The following SH3RF1 variants were observed in gnomAD, a reference collection of about 807,000 sequenced individuals.
The protein encoded by SH3RF1 is SH3 domain containing ring finger 1.
Under a neutral mutation model 74.0 loss-of-function variants are expected in SH3RF1, and 32 were observed. The observed-to-expected ratio is 0.43, with a 90% CI of 0.33 to 0.58. SH3RF1 has a LOEUF of 0.58. Ranked by LOEUF, SH3RF1 falls within the 20% of genes least tolerant of loss-of-function variation. The probability of loss-of-function intolerance (pLI) is 0.05; values close to 1 mark genes in which losing one functional copy is unlikely to be tolerated. For missense variants in SH3RF1, 954 were observed against 1,130.9 expected (o/e 0.84, Z 2.24); for synonymous variants, 396 against 439.6 (o/e 0.90, Z 1.24).
rs1731441801 is a variant in SH3RF1, at chr4:169,270,941, C to A, written c.-178G>T. Reference sequence around the variant, plus strand: ...GCAGATGCGGCCCCACCGCGCTCGCCGCTCGCAGTGTCTCTGACGCCGCGG... The same window carrying A: ...GCAGATGCGGCCCCACCGCGCTCGCAGCTCGCAGTGTCTCTGACGCCGCGG... On this transcript the variant is annotated 5_prime_UTR_variant, in exon 1 of 12. Coordinates refer to ENST00000284637, the MANE Select transcript of SH3RF1 (RefSeq NM_020870.4). 6.6e-6 allele frequency: 1 copy of A among 152,262 alleles called. No homozygotes were observed. The allele number at this position is 152,262 out of a possible 1,614,324, so 9.4% of individuals were successfully genotyped here. A position where few individuals can be genotyped will look rare whatever the true frequency, so the allele number is the denominator to read the frequency against.
At chr4:169,149,943 GTACCTACACTTC>G (rs1733949216) in intron 4 of SH3RF1, among the ~76,000 whole-genome samples, 1 of 152,070 alleles carries the variant, frequency 6.6e-6, no homozygotes, top group African/African-American at 2.4e-5. Context: ...TTCAAACTAT[GTACCTACACTTC>G]TACTTCTTAT....
intron 4 of SH3RF1, among the ~76,000 whole-genome samples, chr4:169,154,667 T>C (rs890087154): frequency 6.6e-6 from 1 of 152,212 alleles, no homozygotes; most frequent in African/African-American, 2.4e-5. Flanking sequence ...CACACAGATA[T>C]CTACTAAGAC....
chr4:169,205,043 T>C (rs1194213074), intron 2 of SH3RF1, among the ~76,000 whole-genome samples: 1 of 152,244 alleles, frequency 6.6e-6, no homozygotes, highest in African/African-American at 2.4e-5. Context: ...AAGGGAAATT[T>C]ACTAGCAACA....
At chr4:169,165,772 T>C (rs568186347) in intron 2 of SH3RF1, among the ~76,000 whole-genome samples, 8 of 152,304 alleles carry the variant, frequency 5.3e-5, no homozygotes, top group Admixed American at 1.3e-4. Flanking sequence ...AGATAGTTCA[T>C]AGTTTCAGAA....
intron 2 of SH3RF1, among the ~76,000 whole-genome samples, chr4:169,218,215 TATA>T (rs1182012411): frequency 6.2e-5 from 9 of 144,640 alleles, no homozygotes; most frequent in African/African-American, 1.3e-4. Context: ...TAATATATAA[TATA>T]ATATAAACAT....
intron 2 of SH3RF1, among the ~76,000 whole-genome samples, chr4:169,234,373 C>A (rs1286102215): frequency 1.3e-5 from 2 of 151,866 alleles, no homozygotes; most frequent in Non-Finnish European, 2.9e-5. Context: ...GGTTGGGAAA[C>A]CCTGATTTAG....
At chr4:169,219,857 T>C (rs1436742516) in intron 2 of SH3RF1, 1 of 152,232 alleles carries the variant, frequency 6.6e-6, no homozygotes, top group East Asian at 1.9e-4. Flanking sequence ...GCAATCGTTA[T>C]TCACTTAAAT....
chr4:169,158,206 T>A (rs576486365), intron 2 of SH3RF1, among the ~76,000 whole-genome samples: 1 of 152,114 alleles, frequency 6.6e-6, no homozygotes, highest in African/African-American at 2.4e-5. Flanking sequence ...GTCTCTCGTG[T>A]TTGGTGAGTA....
At chr4:169,260,384 C>T (rs558982437) in intron 2 of SH3RF1, among the ~76,000 whole-genome samples, 3 of 152,306 alleles carry the variant, frequency 2.0e-5, no homozygotes, top group African/African-American at 7.2e-5. Context: ...CTCCCCACTG[C>T]GCCTCTTTTA....
At chr4:169,207,016 T>C (rs1258042322) in intron 2 of SH3RF1, among the ~76,000 whole-genome samples, 2 of 151,920 alleles carry the variant, frequency 1.3e-5, no homozygotes, top group Non-Finnish European at 2.9e-5. Context: ...TGGAGTGCAA[T>C]AGCATGATTG....
chr4:169,148,652 T>G (rs1733929818), intron 4 of SH3RF1, among the ~76,000 whole-genome samples: 1 of 152,168 alleles, frequency 6.6e-6, no homozygotes, highest in Non-Finnish European at 1.5e-5. Context: ...ATTATACACT[T>G]AGCATGTTCC....
intron 2 of SH3RF1, chr4:169,167,194 A>G (rs544310801): frequency 6.5e-6 from 1 of 153,736 alleles, no homozygotes; most frequent in South Asian, 2.0e-4. Flanking sequence ...ACACATCTTG[A>G]AAAGAAGATG....
chr4:169,257,776 CT>C, intron 2 of SH3RF1, among the ~76,000 whole-genome samples: 1 of 152,324 alleles, frequency 6.6e-6, no homozygotes, highest in South Asian at 2.1e-4. Context: ...GTGGATAATT[CT>C]AGCAGATGAG....
At chr4:169,168,751 G>A (rs2126971816) in intron 2 of SH3RF1, among the ~76,000 whole-genome samples, 1 of 152,352 alleles carries the variant, frequency 6.6e-6, no homozygotes, top group East Asian at 1.9e-4. Context: ...CAAAGGGACA[G>A]ACTATGACTG....
At chr4:169,229,635 T>C (rs970303232) in intron 2 of SH3RF1, among the ~76,000 whole-genome samples, 6 of 152,104 alleles carry the variant, frequency 3.9e-5, no homozygotes, top group Admixed American at 3.3e-4. Context: ...ATAAATAACC[T>C]GGGCTGAGGC....
intron 2 of SH3RF1, among the ~76,000 whole-genome samples, chr4:169,263,183 G>A (rs559879098): frequency 8.5e-5 from 13 of 152,064 alleles, no homozygotes; most frequent in Non-Finnish European, 1.3e-4. Flanking sequence ...AACCTTACAC[G>A]CCAGGGGAGC....
chr4:169,133,074 T>G lies in SH3RF1; in HGVS notation c.1069-2918A>C, dbSNP rs76321629. ...CTTCCAGCTGCCAGCAATTTGGACG[T>G]GACAGTGACATCTCTAATTGCCATA... On this transcript the variant is annotated intron_variant, in intron 5 of 11. Coordinates refer to ENST00000284637, the MANE Select transcript of SH3RF1 (RefSeq NM_020870.4). Among the ~76,000 whole-genome samples the G allele has an allele frequency of 3.9e-3, 592 of 152,288 alleles. 4 individuals carry two copies. The highest frequency in any genetic ancestry group is 0.014 in the African/African-American group (572 of 41,532).
At chr4:169,240,646 ATT>A (rs1281079721) in intron 2 of SH3RF1, among the ~76,000 whole-genome samples, 3 of 152,226 alleles carry the variant, frequency 2.0e-5, no homozygotes, top group African/African-American at 7.2e-5. Flanking sequence ...ATATGTATAC[ATT>A]GTGAAATTAT....
intron 2 of SH3RF1, among the ~76,000 whole-genome samples, chr4:169,183,735 G>A (rs1734553476): frequency 7.0e-6 from 1 of 142,460 alleles, no homozygotes; most frequent in African/African-American, 2.6e-5. Flanking sequence ...GCAACAGAGT[G>A]AGATGCTGTC....
Sources: allele counts gnomAD v4.1 joint callset (sites outside exome capture counted in the v4.1 genomes callset), GRCh38; gene constraint gnomAD v4.1.1; transcripts MANE v1.5; gene names NCBI Gene and HGNC (gene_info 2026-07-23, HGNC 2026-07-21).